The following EML6 variants were observed in gnomAD, a reference collection of about 807,000 sequenced individuals.
EML6 encodes the protein EMAP like 6.
EML6 carries 154 observed loss-of-function variants against 240.1 expected under a neutral mutation model. That is an observed-to-expected ratio of 0.64 (90% confidence interval 0.56 to 0.73). The LOEUF is 0.73. EML6 is among the 30% of genes least tolerant of loss of function. The pLI, the probability that EML6 is intolerant of heterozygous loss-of-function variation, is 0.00. For missense variants in EML6, 2,964 were observed against 2,474.6 expected (o/e 1.20, Z -4.20); for synonymous variants, 1,148 against 899.0 (o/e 1.28, Z -4.95).
At chr2:54,764,177 A>G (rs528234773) in intron 2 of EML6, among the ~76,000 whole-genome samples, 2 of 152,372 alleles carry the variant, frequency 1.3e-5, no homozygotes, top group African/African-American at 4.8e-5. Flanking sequence ...GAAAGGTTAT[A>G]GACAGCGGCC....
At chr2:54,781,864 T>C (rs1164030336) in intron 2 of EML6, among the ~76,000 whole-genome samples, 1 of 152,130 alleles carries the variant, frequency 6.6e-6, no homozygotes, top group African/African-American at 2.4e-5. Context: ...AGATGGAGTT[T>C]AGCCATGTTA....
intron 3 of EML6, among the ~76,000 whole-genome samples, chr2:54,815,333 C>G (rs562308439): frequency 6.6e-6 from 1 of 152,242 alleles, no homozygotes; most frequent in South Asian, 2.1e-4. Flanking sequence ...GCTATTTCTT[C>G]AGGTCCTCCT....
chr2:54,943,769 A>G (rs1675546930), intron 28 of EML6, among the ~76,000 whole-genome samples: 1 of 152,104 alleles, frequency 6.6e-6, no homozygotes. Context: ...ATATATTTTA[A>G]CTCGATATAT....
chr2:54,818,810 C>G (rs1668195051), intron 4 of EML6, among the ~76,000 whole-genome samples: 1 of 152,142 alleles, frequency 6.6e-6, no homozygotes, highest in South Asian at 2.1e-4. Flanking sequence ...ACACTGTTCT[C>G]CCAGACCCCA....
At chr2:54,770,932 T>G (rs1481418972) in intron 2 of EML6, among the ~76,000 whole-genome samples, 1 of 152,108 alleles carries the variant, frequency 6.6e-6, no homozygotes, top group Non-Finnish European at 1.5e-5. Flanking sequence ...ATCATCTTCA[T>G]GTTGGTGAAT....
At chr2:54,847,753 C>CTT in intron 9 of EML6, 130 bp downstream of exon 9, 5 of 786,696 alleles carry the variant, frequency 6.4e-6, no homozygotes, top group South Asian at 2.8e-5. Flanking sequence ...TACTATAGAT[C>CTT]TACGATCCCC....
At chr2:54,836,982 C>T (rs1308431812) in intron 7 of EML6, among the ~76,000 whole-genome samples, 3 of 152,154 alleles carry the variant, frequency 2.0e-5, no homozygotes, top group Admixed American at 2.0e-4. Context: ...CCTCAGCCAC[C>T]CCTTCCTGAG....
chr2:54,894,576 G>A (rs1672659098), intron 19 of EML6, among the ~76,000 whole-genome samples: 1 of 152,128 alleles, frequency 6.6e-6, no homozygotes, highest in Admixed American at 6.5e-5. Flanking sequence ...ACTCTGCTAG[G>A]TTTTGAGGCT....
chr2:54,937,091 C>G (rs569556072), intron 28 of EML6, among the ~76,000 whole-genome samples: 1 of 151,124 alleles, frequency 6.6e-6, no homozygotes, highest in Admixed American at 6.6e-5. Flanking sequence ...ACGTGCCTGA[C>G]CAACGTGGAA....
chr2:54,795,576 C>T (rs58921968), intron 2 of EML6, among the ~76,000 whole-genome samples: 9,247 of 152,186 alleles, frequency 0.061, 926 homozygotes, highest in African/African-American at 0.21. Flanking sequence ...GTGTAGCATC[C>T]TGCCACTGCC....
intron 9 of EML6, 103 bp from the exon 10 acceptor site, chr2:54,849,859 T>A: frequency 1.2e-6 from 1 of 858,284 alleles, no homozygotes; most frequent in Non-Finnish European, 1.8e-6. Flanking sequence ...CCTGCAGGTT[T>A]GGTTCTCTTT....
At chr2:54,961,944 C>G (rs961673525) in intron 35 of EML6, among the ~76,000 whole-genome samples, 2 of 151,666 alleles carry the variant, frequency 1.3e-5, no homozygotes, top group Admixed American at 1.3e-4. Flanking sequence ...GCAGAGGTTG[C>G]AGTGAGCCAA....
chr2:54,750,617 C>T (rs887499514), intron 2 of EML6, among the ~76,000 whole-genome samples: 3 of 152,156 alleles, frequency 2.0e-5, no homozygotes, highest in Admixed American at 6.5e-5. Context: ...TCTCTCCGGT[C>T]GTTGGCCTCA....
intron 2 of EML6, among the ~76,000 whole-genome samples, chr2:54,794,576 T>A (rs1572906747): frequency 6.6e-6 from 1 of 152,106 alleles, no homozygotes; most frequent in South Asian, 2.1e-4. Context: ...TGATGCCCCC[T>A]AAAGGATCCT....
chr2:54,725,572 G>GAAAC lies in EML6; in HGVS notation c.197+316_197+319dup, dbSNP rs750727747. The stretch of plus-strand genomic sequence containing the variant: ...AAGTGGAAGGAGCCTGGGTAACTAT[G>GAAAC]AAACACTTCTTCCTTCCCTAACCAG... On this transcript the variant is annotated intron_variant, in intron 2 of 41. Transcript: ENST00000356458. The surrounding 1 kb of genome is among the most constrained non-coding windows in gnomAD (Gnocchi z 4.3). 1.3e-5 allele frequency among the ~76,000 whole-genome samples: 2 copies of GAAAC among 152,192 alleles called. No homozygotes were observed. Among genetic ancestry groups the GAAAC allele is most frequent in the Non-Finnish European group, 1.5e-5 (1 of 68,038 alleles).
rs1672528535 is a variant in EML6, at chr2:54,892,548, G to C, written c.2634G>C (p.Val878=). Residue 878 remains valine (V), a synonymous_variant, in exon 19 of 42, where the codon GTG becomes GTC. Transcript: ENST00000356458. ...CVSYGRMEDL[V]FSGAATGDIF... is the part of the protein sequence containing the mutation. ...CTTACGGACGAATGGAAGATCTAGT[G>C]TTCTCAGGAGCAGCTACTGGAGATA... 4 of 1,551,164 alleles carry C rather than the reference G, an allele frequency of 2.6e-6. No homozygotes were observed. The highest frequency in any genetic ancestry group is 3.3e-4 in the Middle Eastern group (2 of 6,010).
chr2:54,892,423 T>C, intron 18 of EML6, 31 bp from the exon 19 acceptor site: 1 of 1,485,526 alleles, frequency 6.7e-7, no homozygotes, highest in Non-Finnish European at 9.2e-7. Flanking sequence ...CCAGATTTTA[T>C]AAAGTAATAA....
At chr2:54,813,109 A>C in intron 2 of EML6, 123 bp from the exon 3 acceptor site, 2 of 676,216 alleles carry the variant, frequency 3.0e-6, no homozygotes, top group Non-Finnish European at 4.9e-6. Flanking sequence ...CTTTGGGGAC[A>C]GTTCAGACTC....
intron 16 of EML6, among the ~76,000 whole-genome samples, chr2:54,872,430 C>A (rs1222008880): frequency 6.6e-6 from 1 of 152,054 alleles, no homozygotes; most frequent in Non-Finnish European, 1.5e-5. Context: ...TGATTGTTCT[C>A]CCCTGTCCCT....
Sources: gnomAD v4.1 joint callset for allele counts (sites outside exome capture counted in the v4.1 genomes callset) on GRCh38, gnomAD v4.1.1 for gene constraint, Gnocchi (gnomAD v3.1) non-coding constraint, MANE v1.5 for transcripts, NCBI Gene and HGNC (gene_info 2026-07-23, HGNC 2026-07-21) for gene names.